The following TTC7B variants were observed in gnomAD, a reference collection of about 807,000 sequenced individuals.
TTC7B encodes the protein tetratricopeptide repeat domain 7B, also known as tetratricopeptide repeat protein 7B.
A neutral mutation model predicts 106.8 loss-of-function variants in TTC7B; 28 were observed. That is an observed-to-expected ratio of 0.26 (90% CI 0.19 to 0.36). The LOEUF (loss-of-function observed/expected upper bound fraction) is 0.36, where lower values mean the gene tolerates loss of function less well. TTC7B is among the 10% of genes least tolerant of loss of function. The probability of loss-of-function intolerance (pLI) is 1.00; values close to 1 mark genes in which losing one functional copy is unlikely to be tolerated. For synonymous variants in TTC7B, 405 were observed against 430.6 expected (o/e 0.94, Z 0.74); for missense variants, 862 against 1,076.4 (o/e 0.80, Z 2.79).
intron 18 of TTC7B, among the ~76,000 whole-genome samples, chr14:90,582,098 G>A (rs1285066866): frequency 3.3e-5 from 5 of 152,216 alleles, no homozygotes; most frequent in African/African-American, 1.2e-4. Flanking sequence ...AAGGCATGAT[G>A]TCCTGCAGTG....
Position 90,689,683 on chromosome 14 carries a change from C to A in TTC7B, c.807G>T (p.Leu269Phe), listed in dbSNP as rs1254908747. Residue 269 changes from leucine (L) to phenylalanine (F), a missense_variant, in exon 7 of 20, where the codon TTG becomes TTT. By Grantham distance (22) the Leu-to-Phe change is conservative. Transcript: ENST00000328459. ...AGCTCTGCTCACACATACCCCGCAA[C>A]AAGATCTCTGCCAGCTGCCTGGCTA... ...MTIARQLAEI[L>F]LRGMCEQSYW... 1.9e-6 allele frequency: 3 copies of A among 1,613,990 alleles called. No homozygotes were observed. Among genetic ancestry groups the A allele is most frequent in the Admixed American group, 1.7e-5 (1 of 59,970 alleles).
At chr14:90,615,122 G>A (rs886342892) in intron 16 of TTC7B, among the ~76,000 whole-genome samples, 12 of 152,242 alleles carry the variant, frequency 7.9e-5, no homozygotes, top group African/African-American at 2.7e-4. Flanking sequence ...TCCAACTGCA[G>A]GTGGAACACT....
chr14:90,640,276 C>A (rs1351378012), intron 15 of TTC7B, among the ~76,000 whole-genome samples: 59 of 137,306 alleles, frequency 4.3e-4, no homozygotes, highest in South Asian at 6.9e-4. Context: ...TGTCTCAAAA[C>A]AAAAAAAAAA....
chr14:90,651,906 T>G (rs1664550818), intron 13 of TTC7B, among the ~76,000 whole-genome samples: 1 of 152,168 alleles, frequency 6.6e-6, no homozygotes, highest in Non-Finnish European at 1.5e-5. Context: ...TGTCAGGTAT[T>G]GGGAAGGCCT....
chr14:90,694,579 AATAC>A (rs1400964623), intron 6 of TTC7B, among the ~76,000 whole-genome samples: 2 of 115,720 alleles, frequency 1.7e-5, no homozygotes, highest in Middle Eastern at 9.3e-3. Context: ...ATATATGTAT[AATAC>A]ATATATGTCA....
intron 16 of TTC7B, among the ~76,000 whole-genome samples, chr14:90,615,890 C>A (rs545487004): frequency 6.6e-6 from 1 of 152,144 alleles, no homozygotes; most frequent in Non-Finnish European, 1.5e-5. Flanking sequence ...GGGCCTCTAC[C>A]GCCCACCCCA....
intron 18 of TTC7B, among the ~76,000 whole-genome samples, chr14:90,587,497 A>G (rs1392169555): frequency 6.6e-6 from 1 of 152,082 alleles, no homozygotes; most frequent in Admixed American, 6.6e-5. Flanking sequence ...CTATGCCTCC[A>G]TCGTCCCTGA....
intron 18 of TTC7B, among the ~76,000 whole-genome samples, chr14:90,583,572 G>A (rs911858478): frequency 5.9e-5 from 9 of 152,130 alleles, no homozygotes; most frequent in East Asian, 5.8e-4. Context: ...GGAACTCAAC[G>A]CCATCAGCTG....
intron 2 of TTC7B, among the ~76,000 whole-genome samples, chr14:90,785,589 G>A (rs745332962): frequency 3.9e-5 from 6 of 152,158 alleles, no homozygotes; most frequent in African/African-American, 7.2e-5. Flanking sequence ...GGAAAGCCAC[G>A]TGAGAGGGAA....
chr14:90,542,040 T>C (rs181174335), intron 19 of TTC7B, among the ~76,000 whole-genome samples: 207 of 152,218 alleles, frequency 1.4e-3, no homozygotes, highest in African/African-American at 3.6e-3. Flanking sequence ...CCCGGGTTCA[T>C]GCCATTCTCC....
At chr14:90,637,406 C>A (rs994135312) in intron 15 of TTC7B, among the ~76,000 whole-genome samples, 7 of 2,062 alleles carry the variant, frequency 3.4e-3, no homozygotes, top group East Asian at 0.028. Flanking sequence ...AGAGAAAAAC[C>A]CCCCCCCAGC....
chr14:90,705,045 C>T (rs918865847), intron 5 of TTC7B, among the ~76,000 whole-genome samples: 1 of 152,180 alleles, frequency 6.6e-6, no homozygotes, highest in Non-Finnish European at 1.5e-5. Flanking sequence ...TCTAAGCCAT[C>T]CAGAGGAGCT....
chr14:90,601,174 T>C (rs1204079611), intron 17 of TTC7B, among the ~76,000 whole-genome samples: 3 of 152,202 alleles, frequency 2.0e-5, no homozygotes, highest in Non-Finnish European at 4.4e-5. Flanking sequence ...AAAAAGGTTC[T>C]ATATTAGAGC....
At chr14:90,688,621 C>CAAAA (rs57020065) in intron 7 of TTC7B, among the ~76,000 whole-genome samples, 9 of 54,490 alleles carry the variant, frequency 1.7e-4, no homozygotes, top group African/African-American at 6.8e-4. Flanking sequence ...GGCTCTGTCT[C>CAAAA]AAAAAAAAAA....
intron 17 of TTC7B, chr14:90,603,319 C>T: frequency 1.6e-6 from 2 of 1,283,014 alleles, no homozygotes; most frequent in Non-Finnish European, 2.0e-6. Flanking sequence ...AACAACAGAT[C>T]AAACCAAAAA....
At chr14:90,804,055 G>A (rs903019230) in intron 1 of TTC7B, among the ~76,000 whole-genome samples, 3 of 152,248 alleles carry the variant, frequency 2.0e-5, no homozygotes. Context: ...AAGAGCTGTG[G>A]CCGGGCGTTG....
intron 9 of TTC7B, among the ~76,000 whole-genome samples, chr14:90,671,075 C>CA (rs2139917339): frequency 6.6e-6 from 1 of 152,280 alleles, no homozygotes; most frequent in East Asian, 1.9e-4. Context: ...CCATTTGTGT[C>CA]ATGCCCACTG....
intron 4 of TTC7B, among the ~76,000 whole-genome samples, chr14:90,735,506 CAAA>C (rs202005793): frequency 9.0e-6 from 1 of 110,850 alleles, no homozygotes; most frequent in African/African-American, 3.3e-5. Context: ...GACCTTGTCT[CAAA>C]AAAAAAAAAA....
chr14:90,720,066 T>C (rs933962101), intron 5 of TTC7B, among the ~76,000 whole-genome samples: 4 of 151,664 alleles, frequency 2.6e-5, no homozygotes, highest in African/African-American at 9.7e-5. Flanking sequence ...TTCATGTTAG[T>C]GTATTTTACG....
Sources: allele counts gnomAD v4.1 joint callset (sites outside exome capture counted in the v4.1 genomes callset), GRCh38; gene constraint gnomAD v4.1.1; transcripts MANE v1.5; gene names NCBI Gene and HGNC (gene_info 2026-07-23, HGNC 2026-07-21).